The following NALCN variants were observed in gnomAD, a reference collection of about 807,000 sequenced individuals.
NALCN encodes sodium leak channel, non-selective, also known as sodium leak channel NALCN.
A neutral mutation model predicts 225.3 loss-of-function variants in NALCN; 111 were observed. The observed-to-expected ratio is 0.49, with a 90% CI of 0.42 to 0.58. The LOEUF (loss-of-function observed/expected upper bound fraction) is 0.58. Ranked by LOEUF, NALCN falls within the 20% of genes least tolerant of loss-of-function variation. The pLI is 0.00. For synonymous variants in NALCN, 764 were observed against 769.0 expected (o/e 0.99, Z 0.11); for missense variants, 1,378 against 2,202.4 (o/e 0.63, Z 7.49).
chr13:101,135,609 G>C (rs529242564), intron 17 of NALCN, among the ~76,000 whole-genome samples: 3 of 152,232 alleles, frequency 2.0e-5, no homozygotes, highest in African/African-American at 7.2e-5. Flanking sequence ...GCCCAGGATG[G>C]TCTCGAACTC....
In NALCN at chr13:101,104,245, A is replaced by G; in HGVS notation, c.2889+50T>C. On this transcript the variant is annotated intron_variant, in intron 25 of 43. Transcript: ENST00000251127. This position sits in a 1 kb window ranked among gnomAD's most constrained non-coding sequence, Gnocchi z 4.2. ...GCGCTTATACCAAGAAATGCAGGAG[A>G]TTTTACAAAACCATTACATTTTTCA... The G allele has an allele frequency of 6.4e-7, 1 of 1,550,544 alleles. No individual in the cohort carries two copies. Among genetic ancestry groups the G allele is most frequent in the Non-Finnish European group, 8.7e-7 (1 of 1,153,572 alleles).
chr13:101,084,408 A>G (rs1226697523), intron 30 of NALCN, among the ~76,000 whole-genome samples: 1 of 152,190 alleles, frequency 6.6e-6, no homozygotes, highest in Non-Finnish European at 1.5e-5. Flanking sequence ...ATATTTTATC[A>G]TAAAAGCTGA....
At chr13:101,411,825 T>A (rs992638181) in intron 1 of NALCN, among the ~76,000 whole-genome samples, 5 of 152,222 alleles carry the variant, frequency 3.3e-5, no homozygotes, top group Non-Finnish European at 7.3e-5. Context: ...ACCTCATTTT[T>A]TTTTACTGAT....
rs144619788 is a variant in NALCN, at chr13:101,394,095, T to C, written c.291+1088A>G. Among the ~76,000 whole-genome samples the C allele has an allele frequency of 1.8e-3, 267 of 152,306 alleles. 4 individuals carry two copies. Among genetic ancestry groups the C allele is most frequent in the African/African-American group, 5.5e-3 (230 of 41,574 alleles). ...AAATGACTTGGTTTCTCAGATTTGC[T>C]TTAAAATGAAACAGAATTGGCTAAA... On this transcript the variant is annotated intron_variant, in intron 3 of 43. Coordinates refer to ENST00000251127, the MANE Select transcript of NALCN (RefSeq NM_052867.4).
At chr13:101,363,875 TA>T (rs2046314926) in intron 6 of NALCN, among the ~76,000 whole-genome samples, 1 of 151,820 alleles carries the variant, frequency 6.6e-6, no homozygotes, top group Non-Finnish European at 1.5e-5. Context: ...AGAACTCAAA[TA>T]ACTCAATGGG....
chr13:101,077,622 G>A (rs867637906), intron 34 of NALCN, among the ~76,000 whole-genome samples: 4 of 152,150 alleles, frequency 2.6e-5, no homozygotes, highest in African/African-American at 9.7e-5. Flanking sequence ...AGGGTATCTG[G>A]TAGAATAAAT....
intron 38 of NALCN, among the ~76,000 whole-genome samples, 194 bp downstream of exon 38, chr13:101,068,501 T>C (rs1168266206): frequency 6.6e-6 from 1 of 152,244 alleles, no homozygotes; most frequent in Non-Finnish European, 1.5e-5. Flanking sequence ...GCTACAACTC[T>C]TAAAATTGCA....
intron 30 of NALCN, among the ~76,000 whole-genome samples, chr13:101,086,024 C>T (rs141126784): frequency 6.6e-6 from 1 of 152,210 alleles, no homozygotes; most frequent in Non-Finnish European, 1.5e-5. Context: ...ACAATACTGA[C>T]ACTCTTTTAA....
At chr13:101,206,067 T>C (rs1249573130) in intron 13 of NALCN, among the ~76,000 whole-genome samples, 1 of 151,910 alleles carries the variant, frequency 6.6e-6, no homozygotes, top group African/African-American at 2.4e-5. Context: ...AGACATGGAG[T>C]TTGCCTGGCT....
At chr13:101,340,294 G>A (rs940593062) in intron 7 of NALCN, among the ~76,000 whole-genome samples, 3 of 151,102 alleles carry the variant, frequency 2.0e-5, no homozygotes, top group African/African-American at 4.8e-5. Context: ...AAAAAACACC[G>A]TGCCCCTGCC....
At chr13:101,340,538 T>C (rs1292029377) in intron 7 of NALCN, among the ~76,000 whole-genome samples, 1 of 152,190 alleles carries the variant, frequency 6.6e-6, no homozygotes, top group Non-Finnish European at 1.5e-5. Flanking sequence ...CTAAGTGTAG[T>C]TTCTCAGTTG....
intron 14 of NALCN, 35 bp downstream of exon 14, chr13:101,191,882 C>T: frequency 6.3e-7 from 1 of 1,577,860 alleles, no homozygotes; most frequent in Non-Finnish European, 8.6e-7. Context: ...ATTATAAATT[C>T]CAAGATATAA....
At chr13:101,355,351 G>A (rs1011573882) in intron 6 of NALCN, among the ~76,000 whole-genome samples, 11 of 145,396 alleles carry the variant, frequency 7.6e-5, no homozygotes, top group Non-Finnish European at 1.3e-4. Context: ...GATGGAGGAA[G>A]ACCTACCAAG....
chr13:101,083,146 A>G lies in NALCN; in HGVS notation c.3636T>C (p.Phe1212=). The stretch of plus-strand genomic sequence containing the variant: ...GGACGAGTAATGCGATTGTCCTCTT[A>G]AAAAATGGATGCTGGGTTATGTCAT... ...KMYDITQHPF[F]KRTIALLVLA... The change falls in exon 32 of 44, where the codon TTT becomes TTC. Residue 1212 remains phenylalanine, a synonymous_variant. Coordinates refer to ENST00000251127, the MANE Select transcript of NALCN (RefSeq NM_052867.4). 1 of 1,614,136 alleles carries G rather than the reference A, an allele frequency of 6.2e-7. No homozygotes were observed. Among genetic ancestry groups the G allele is most frequent in the Non-Finnish European group, 8.5e-7 (1 of 1,179,984 alleles).
intron 11 of NALCN, among the ~76,000 whole-genome samples, chr13:101,240,927 C>T (rs1242340028): frequency 6.6e-6 from 1 of 152,122 alleles, no homozygotes; most frequent in Admixed American, 6.5e-5. Flanking sequence ...ATAATTTTCA[C>T]AGTTACTGTT....
chr13:101,282,728 G>T (rs998530065), intron 10 of NALCN, among the ~76,000 whole-genome samples: 1 of 152,068 alleles, frequency 6.6e-6, no homozygotes, highest in Non-Finnish European at 1.5e-5. Flanking sequence ...TGCAACAATC[G>T]TTTTACACTG....
intron 12 of NALCN, among the ~76,000 whole-genome samples, chr13:101,235,617 C>A (rs1011203284): frequency 1.3e-5 from 2 of 152,078 alleles, no homozygotes; most frequent in Admixed American, 1.3e-4. Flanking sequence ...TATCTCTTGC[C>A]CCAGCCATGT....
At chr13:101,078,363 C>T (rs1332421229) in intron 34 of NALCN, among the ~76,000 whole-genome samples, 1 of 152,216 alleles carries the variant, frequency 6.6e-6, no homozygotes, top group Non-Finnish European at 1.5e-5. Flanking sequence ...CACAGACACT[C>T]AATACCAGTC....
At chr13:101,168,410 G>GA (rs1460915260) in intron 15 of NALCN, among the ~76,000 whole-genome samples, 3 of 151,252 alleles carry the variant, frequency 2.0e-5, no homozygotes, top group Non-Finnish European at 4.4e-5. Context: ...TTCTTCCCCC[G>GA]AAAAAAAACC....
Sources: gnomAD v4.1 joint callset for allele counts (sites outside exome capture counted in the v4.1 genomes callset) on GRCh38, gnomAD v4.1.1 for gene constraint, Gnocchi (gnomAD v3.1) non-coding constraint, MANE v1.5 for transcripts, NCBI Gene and HGNC (gene_info 2026-07-23, HGNC 2026-07-21) for gene names.